Variants in PRKCI observed in about 807,000 individuals in gnomAD.
PRKCI encodes protein kinase C iota type.
Under a neutral mutation model 84.0 loss-of-function variants are expected in PRKCI, and 43 were observed. The observed-to-expected ratio is 0.51, with a 90% CI of 0.40 to 0.66. The LOEUF (loss-of-function observed/expected upper bound fraction) is 0.66, where lower values mean the gene tolerates loss of function less well. PRKCI is among the 30% of genes least tolerant of loss of function. The pLI is 0.00. For missense variants in PRKCI, 459 were observed against 745.6 expected, an observed-to-expected ratio of 0.62 and a Z score of 4.48; for synonymous variants, 216 against 234.4, an observed-to-expected ratio of 0.92 and a Z score of 0.72.
chr3:170,232,206 A>G (rs551718654), intron 1 of PRKCI, among the ~76,000 whole-genome samples: 2 of 152,004 alleles, frequency 1.3e-5, no homozygotes, highest in South Asian at 4.2e-4. Context: ...ACACACCACT[A>G]TGTCTGGCTA....
chr3:170,280,726 A>G (rs950774921), intron 9 of PRKCI, among the ~76,000 whole-genome samples: 40 of 152,284 alleles, frequency 2.6e-4, no homozygotes, highest in Non-Finnish European at 1.5e-5. Context: ...CTAGGAATAT[A>G]GGCGTGAGCC....
intron 8 of PRKCI, 128 bp downstream of exon 8, chr3:170,275,415 A>G: frequency 1.3e-6 from 1 of 798,640 alleles, no homozygotes; most frequent in Admixed American, 3.2e-5. Context: ...ATGATTTGTA[A>G]TGATTCCAGA....
chr3:170,222,617 G>T lies in PRKCI; in HGVS notation c.-53G>T, dbSNP rs950378038. The T allele has an allele frequency of 1.6e-5, 23 of 1,472,672 alleles. No individual in the cohort carries two copies. Among genetic ancestry groups the T allele is most frequent in the Non-Finnish European group, 2.1e-5 (23 of 1,099,148 alleles). 91.2% of individuals were successfully genotyped at this position (1,472,672 alleles called of 1,614,324 possible). Reference sequence around the variant, plus strand: ...GGCGGCGGAGTCCCCCACGGCGCCCGAAGCGCCCCCCCGCACCCCCGGCCT... The same window carrying T: ...GGCGGCGGAGTCCCCCACGGCGCCCTAAGCGCCCCCCCGCACCCCCGGCCT... On this transcript the variant is annotated 5_prime_UTR_variant, in exon 1 of 18. Transcript: ENST00000295797.
chr3:170,297,288 AT>A lies in PRKCI; in HGVS notation c.1498-13del, dbSNP rs1734706619. On this transcript the variant is annotated splice_polypyrimidine_tract_variant and intron_variant, in intron 15 of 17. Transcript: ENST00000295797. ...ATGACATTCACCCAATTCTTGAAAC[AT>A]TTCTTTCACCATAGGACCCTAAGGA... 3 of 1,596,620 alleles carry A rather than the reference AT, an allele frequency of 1.9e-6. No homozygotes were observed. Among genetic ancestry groups the A allele is most frequent in the Non-Finnish European group, 1.7e-6 (2 of 1,164,474 alleles).
At chr3:170,290,155 A>C (rs533296008) in intron 12 of PRKCI, among the ~76,000 whole-genome samples, 1 of 152,208 alleles carries the variant, frequency 6.6e-6, no homozygotes, top group Admixed American at 6.5e-5. Flanking sequence ...TCTATAGGAA[A>C]GTGGTTAAGT....
chr3:170,290,055 A>C (rs1734505449), intron 12 of PRKCI, among the ~76,000 whole-genome samples: 1 of 151,750 alleles, frequency 6.6e-6, no homozygotes, highest in Admixed American at 6.6e-5. Flanking sequence ...CCTGGATGAC[A>C]GAGCGAAACT....
At chr3:170,276,732 G>T (rs897512570) in intron 8 of PRKCI, among the ~76,000 whole-genome samples, 6 of 152,114 alleles carry the variant, frequency 3.9e-5, no homozygotes, top group African/African-American at 1.4e-4. Context: ...CCCCGGCAAA[G>T]AATTTTTGGC....
At chr3:170,273,971 A>T (rs1000771536) in intron 7 of PRKCI, among the ~76,000 whole-genome samples, 4 of 136,824 alleles carry the variant, frequency 2.9e-5, no homozygotes, top group African/African-American at 8.9e-5. Flanking sequence ...GTCTCTATTT[A>T]AAAAAAAAAA....
At chr3:170,263,493 A>G (rs1733784320) in intron 4 of PRKCI, 64 bp downstream of exon 4, 4 of 1,403,778 alleles carry the variant, frequency 2.8e-6, no homozygotes, top group Non-Finnish European at 3.0e-6. Flanking sequence ...AGTGAAAAAG[A>G]AATCAGAGAT....
chr3:170,234,259 A>C (rs1040860139), intron 1 of PRKCI, among the ~76,000 whole-genome samples: 2 of 146,948 alleles, frequency 1.4e-5, no homozygotes, highest in African/African-American at 2.5e-5. Flanking sequence ...TCGAACTCCC[A>C]ACCTCAGGTG....
chr3:170,230,955 T>C (rs1349632614), intron 1 of PRKCI, among the ~76,000 whole-genome samples: 3 of 149,030 alleles, frequency 2.0e-5, no homozygotes, highest in African/African-American at 7.3e-5. Context: ...ATTTAATTTT[T>C]TTTTTTTGTT....
chr3:170,296,040 A>G (rs894112452), intron 15 of PRKCI, 50 bp downstream of exon 15: 9 of 1,087,168 alleles, frequency 8.3e-6, no homozygotes, highest in Non-Finnish European at 1.2e-5. Context: ...TTCTATATAT[A>G]TCAAACTGGT....
intron 14 of PRKCI, 101 bp downstream of exon 14, chr3:170,293,609 A>T: frequency 7.7e-7 from 1 of 1,291,326 alleles, no homozygotes; most frequent in Non-Finnish European, 1.1e-6. Flanking sequence ...AAATGAGCAT[A>T]ATCTGGAAAA....
intron 5 of PRKCI, among the ~76,000 whole-genome samples, chr3:170,269,414 C>T (rs1321894550): frequency 6.6e-6 from 1 of 152,176 alleles, no homozygotes; most frequent in Non-Finnish European, 1.5e-5. Context: ...GTAATCCCAG[C>T]AGTTTGGGAG....
intron 12 of PRKCI, among the ~76,000 whole-genome samples, chr3:170,289,695 T>C (rs1317062360): frequency 6.6e-6 from 1 of 151,840 alleles, no homozygotes; most frequent in Non-Finnish European, 1.5e-5. Flanking sequence ...GGTGGATCAC[T>C]TGAGGTCAGG....
At chr3:170,247,334 G>T (rs1267748936) in intron 2 of PRKCI, among the ~76,000 whole-genome samples, 2 of 151,930 alleles carry the variant, frequency 1.3e-5, no homozygotes, top group Non-Finnish European at 2.9e-5. Context: ...GGGATTACAG[G>T]CGTGAGCCAC....
chr3:170,303,295 G>T lies in PRKCI; in HGVS notation c.*168G>T. On this transcript the variant is annotated 3_prime_UTR_variant, in exon 18 of 18. Transcript: ENST00000295797. ...TCAATTATTACATCTGTTTTACTATGAAAAAAAAATTAATACTACTAGCTT... is the reference window on the plus strand; with the variant it reads ...TCAATTATTACATCTGTTTTACTATTAAAAAAAAATTAATACTACTAGCTT... 1 of 396,468 alleles carries T rather than the reference G, an allele frequency of 2.5e-6. No individual in the cohort carries two copies. Among genetic ancestry groups the T allele is most frequent in the Non-Finnish European group, 4.4e-6 (1 of 227,776 alleles). The allele number at this position is 396,468 out of a possible 1,614,324, so 24.6% of individuals were successfully genotyped here. A position where few individuals can be genotyped will look rare whatever the true frequency, so the allele number is the denominator to read the frequency against.
At chr3:170,231,653 T>C (rs959633299) in intron 1 of PRKCI, among the ~76,000 whole-genome samples, 3 of 151,874 alleles carry the variant, frequency 2.0e-5, no homozygotes, top group Non-Finnish European at 4.4e-5. Flanking sequence ...TTAGTAGAGA[T>C]GGGGATTCGC....
intron 4 of PRKCI, among the ~76,000 whole-genome samples, chr3:170,263,659 G>A (rs1733788457): frequency 6.6e-6 from 1 of 151,950 alleles, no homozygotes; most frequent in South Asian, 2.1e-4. Context: ...AAAAAAATTA[G>A]CATGGTGTGT....
Sources: gnomAD v4.1 joint callset for allele counts (sites outside exome capture counted in the v4.1 genomes callset) on GRCh38, gnomAD v4.1.1 for gene constraint, MANE v1.5 for transcripts, NCBI Gene and HGNC (gene_info 2026-07-23, HGNC 2026-07-21) for gene names.